Variants in MYO10 observed in about 807,000 individuals in gnomAD.
MYO10 encodes the protein myosin X, also known as unconventional myosin-X.
Under a neutral mutation model 257.3 loss-of-function variants are expected in MYO10, and 133 were observed. That is an observed-to-expected ratio of 0.52 (90% CI 0.45 to 0.60). The LOEUF is 0.60. Ranked by LOEUF, MYO10 falls within the 20% of genes least tolerant of loss-of-function variation. The pLI is 0.00. For synonymous variants in MYO10, 1,104 were observed against 1,028.6 expected, an observed-to-expected ratio of 1.07 and a Z score of -1.40; for missense variants, 2,399 against 2,635.7, an observed-to-expected ratio of 0.91 and a Z score of 1.97.
At chr5:16,756,160 C>T (rs1408884968) in intron 18 of MYO10, among the ~76,000 whole-genome samples, 3 of 152,128 alleles carry the variant, frequency 2.0e-5, no homozygotes, top group African/African-American at 7.2e-5. Flanking sequence ...GCAGCTTCAA[C>T]CTTCCAGACT....
rs776124970 is a variant in MYO10, at chr5:16,703,004, A to G, written c.2431T>C (p.Leu811=). 31 of 1,551,968 alleles carry G rather than the reference A, an allele frequency of 2.0e-5. No individual in the cohort carries two copies. Among genetic ancestry groups the G allele is most frequent in the Non-Finnish European group, 2.4e-5 (28 of 1,147,144 alleles). ...GQIARRVYRQ[L]LAEKREQEEK... ...TCTTGCTCCCTTTTCTCTGCCAGCA[A>G]TTGTCTGTAAACTCTCCGAGCAATC... Residue 811 remains leucine (L), a synonymous_variant, in exon 23 of 41, where the codon TTG becomes CTG. Coordinates refer to ENST00000513610, the MANE Select transcript of MYO10 (RefSeq NM_012334.3).
chr5:16,781,652 G>T, intron 6 of MYO10, 53 bp downstream of exon 6: 1 of 1,536,522 alleles, frequency 6.5e-7, no homozygotes, highest in Admixed American at 1.9e-5. Flanking sequence ...AGTGAGAACA[G>T]TTTCCACTTA....
intron 8 of MYO10, 122 bp from the exon 9 acceptor site, chr5:16,779,770 A>G: frequency 1.8e-6 from 1 of 547,250 alleles, no homozygotes; most frequent in South Asian, 3.1e-5. Context: ...TCCCATAAAG[A>G]TAATAAAGTT....
intron 19 of MYO10, among the ~76,000 whole-genome samples, chr5:16,718,605 G>GT (rs1215653959): frequency 1.5e-5 from 2 of 137,352 alleles, no homozygotes; most frequent in African/African-American, 5.6e-5. Context: ...TCGGCACTCT[G>GT]TATCTAGCTC....
At chr5:16,742,543 C>T (rs536283187) in intron 19 of MYO10, among the ~76,000 whole-genome samples, 23 of 152,172 alleles carry the variant, frequency 1.5e-4, no homozygotes, top group Non-Finnish European at 2.4e-4. Context: ...CAGAAGGGCC[C>T]GCATGGTGGC....
intron 4 of MYO10, among the ~76,000 whole-genome samples, chr5:16,788,168 T>C (rs2126675537): frequency 6.6e-6 from 1 of 152,148 alleles, no homozygotes; most frequent in East Asian, 1.9e-4. Context: ...AAAAAGGTGA[T>C]GCGGGAAGGG....
At chr5:16,876,701 C>T (rs1744614357) in intron 2 of MYO10, among the ~76,000 whole-genome samples, 1 of 152,094 alleles carries the variant, frequency 6.6e-6, no homozygotes, top group Non-Finnish European at 1.5e-5. Context: ...ATTACAGGTG[C>T]CTGCCACCAC....
At chr5:16,691,591 C>T (rs1025927442) in intron 27 of MYO10, among the ~76,000 whole-genome samples, 4 of 151,370 alleles carry the variant, frequency 2.6e-5, no homozygotes, top group South Asian at 2.1e-4. Flanking sequence ...CCCAGCTACT[C>T]GGGAGGCTGA....
rs1298549347 is a variant in MYO10 at position 16,702,918 on chromosome 5, A to C, written c.2510+7T>G. 6.5e-7 allele frequency: 1 copy of C among 1,546,498 alleles called. No individual in the cohort carries two copies. Among genetic ancestry groups the C allele is most frequent in the Non-Finnish European group, 8.8e-7 (1 of 1,142,526 alleles). ...TTTGTTTCATCCCAGCAAGAAAGGTACTGTACCTTTCTTCTTCCTCCCGTT... is the reference window on the plus strand; with the variant it reads ...TTTGTTTCATCCCAGCAAGAAAGGTCCTGTACCTTTCTTCTTCCTCCCGTT... On this transcript the variant is annotated splice_region_variant and intron_variant, in intron 23 of 40. Transcript: ENST00000513610.
intron 19 of MYO10, among the ~76,000 whole-genome samples, chr5:16,715,392 ATTTT>A (rs372307063): frequency 1.8e-4 from 15 of 84,338 alleles, no homozygotes; most frequent in East Asian, 3.9e-4. Flanking sequence ...TAAGATTGAA[ATTTT>A]TTTTTTTTTT....
intron 3 of MYO10, among the ~76,000 whole-genome samples, chr5:16,808,403 T>C (rs1308353474): frequency 6.6e-6 from 1 of 152,032 alleles, no homozygotes; most frequent in African/African-American, 2.4e-5. Context: ...AGCCCAGGAG[T>C]TGGAGGCTGT....
At chr5:16,885,488 AT>A (rs1744870946) in intron 1 of MYO10, among the ~76,000 whole-genome samples, 2 of 152,140 alleles carry the variant, frequency 1.3e-5, no homozygotes, top group Admixed American at 1.3e-4. Flanking sequence ...CCTGGCCAAC[AT>A]GATGAAACTC....
chr5:16,855,748 ATC>A (rs1179674036), intron 2 of MYO10, among the ~76,000 whole-genome samples: 8 of 152,228 alleles, frequency 5.3e-5, no homozygotes, highest in African/African-American at 1.9e-4. Flanking sequence ...GCCAGTTAAC[ATC>A]TGTCATTAGC....
chr5:16,715,901 CA>C (rs1253581484), intron 19 of MYO10, among the ~76,000 whole-genome samples: 27 of 152,004 alleles, frequency 1.8e-4, no homozygotes, highest in African/African-American at 6.3e-4. Flanking sequence ...ACTAAAAATA[CA>C]AAAATCAGCC....
rs1439439072 is a variant in MYO10 at position 16,823,446 on chromosome 5, CG to C, written c.121-5280del. ...GATGACAGGGCAAGACTCCATCTTG[CG>C]CGGGGGGGGGGGGAGTGGGGATTTT... is the stretch of plus-strand genomic sequence containing the variant. On this transcript the variant is annotated intron_variant, in intron 2 of 40. Transcript: ENST00000513610. 1.7e-3 allele frequency among the ~76,000 whole-genome samples: 7 copies of C among 4,192 alleles called. 2 individuals carry two copies. The highest frequency in any genetic ancestry group is 4.0e-3 in the Non-Finnish European group (7 of 1,752). The allele number at this position is 4,192 out of a possible 152,430, so 2.8% of individuals were successfully genotyped here. A position where few individuals can be genotyped will look rare whatever the true frequency, so the allele number is the denominator to read the frequency against.
chr5:16,918,495 CTTTTCTTTT>C (rs1183127393), intron 1 of MYO10, among the ~76,000 whole-genome samples: 2 of 87,260 alleles, frequency 2.3e-5, no homozygotes, highest in Non-Finnish European at 4.4e-5. Flanking sequence ...AACTATTTTT[CTTTTCTTTT>C]TTTTTTTTTT....
At chr5:16,859,271 G>A (rs1744046649) in intron 2 of MYO10, among the ~76,000 whole-genome samples, 1 of 152,196 alleles carries the variant, frequency 6.6e-6, no homozygotes, top group Non-Finnish European at 1.5e-5. Flanking sequence ...GGTGAGTGTT[G>A]CTTTCTGGTT....
chr5:16,781,657 C>T (rs749651365), intron 6 of MYO10, 48 bp downstream of exon 6: 3 of 1,551,420 alleles, frequency 1.9e-6, no homozygotes, highest in Non-Finnish European at 1.8e-6. Context: ...GAACAGTTTC[C>T]ACTTAGAGAA....
At chr5:16,887,167 T>C (rs1744920164) in intron 1 of MYO10, among the ~76,000 whole-genome samples, 2 of 152,140 alleles carry the variant, frequency 1.3e-5, no homozygotes, top group African/African-American at 2.4e-5. Context: ...TTCCTTCCCC[T>C]TATCCTGCCC....
Sources: gnomAD v4.1 joint callset for allele counts (sites outside exome capture counted in the v4.1 genomes callset) on GRCh38, gnomAD v4.1.1 for gene constraint, MANE v1.5 for transcripts, NCBI Gene and HGNC (gene_info 2026-07-23, HGNC 2026-07-21) for gene names.